The following GJC1 variants were observed in gnomAD, a reference collection of about 807,000 sequenced individuals.
GJC1 encodes the protein gap junction protein gamma 1.
A neutral mutation model predicts 29.3 loss-of-function variants in GJC1; 5 were observed. The observed-to-expected ratio is 0.17, with a 90% confidence interval of 0.09 to 0.36. The LOEUF (loss-of-function observed/expected upper bound fraction) is 0.36, where lower values mean the gene tolerates loss of function less well. Ranked by LOEUF, GJC1 falls within the 10% of genes least tolerant of loss-of-function variation. The pLI is 1.00. For missense variants in GJC1, 310 were observed against 496.2 expected (o/e 0.62, Z 3.56); for synonymous variants, 177 against 183.3 (o/e 0.97, Z 0.28).
chr17:44,820,921 T>C (rs1174458608), intron 1 of GJC1, among the ~76,000 whole-genome samples: 1 of 152,214 alleles, frequency 6.6e-6, no homozygotes, highest in Admixed American at 6.5e-5. Context: ...CATAGTAATC[T>C]ATGTGCTACA....
In GJC1 at chr17:44,805,321, C is replaced by A; in HGVS notation, c.497G>T (p.Arg166Leu). Residue 166 changes from arginine to leucine, a missense_variant, in exon 3 of 3, where the codon CGA (arginine) becomes CTA (leucine). Arg to Leu is a moderately radical substitution (Grantham distance 102). Coordinates refer to ENST00000592524, the MANE Select transcript of GJC1 (RefSeq NM_005497.4). This position sits in a 1 kb window ranked among gnomAD's most constrained non-coding sequence, Gnocchi z 5.1. Reference protein sequence around the residue: ...SQPKPKHDGRRRIREDGLMKI... With the variant: ...SQPKPKHDGRLRIREDGLMKI... The stretch of plus-strand genomic sequence containing the variant: ...CATGAGCCCATCTTCCCGAATCCGT[C>A]GTCGGCCATCATGCTTAGGTTTGGG... 6.2e-7 allele frequency: 1 copy of A among 1,614,194 alleles called. No individual in the cohort carries two copies. The highest frequency in any genetic ancestry group is 8.5e-7 in the Non-Finnish European group (1 of 1,180,030).
intron 1 of GJC1, among the ~76,000 whole-genome samples, chr17:44,826,508 C>G (rs1238431164): frequency 6.9e-6 from 1 of 145,498 alleles, no homozygotes; most frequent in Admixed American, 7.0e-5. Flanking sequence ...CCAGCCTGGG[C>G]AATGGAGCGA....
At chr17:44,823,527 G>T (rs2145364664) in intron 1 of GJC1, among the ~76,000 whole-genome samples, 1 of 151,154 alleles carries the variant, frequency 6.6e-6, no homozygotes, top group East Asian at 2.0e-4. Context: ...TGAGATTACA[G>T]GCGTGAGCCA....
Position 44,814,289 on chromosome 17 carries a change from C to T in GJC1, c.-96-6820G>A, listed in dbSNP as rs2050017081. On this transcript the variant is annotated intron_variant, in intron 1 of 2. Transcript: ENST00000592524. ...CCGAGAAGCTGGGACTACAGGTGCCCGCCACCACGCCCGGCTAATTTTTTT... is the reference window on the plus strand; with the variant it reads ...CCGAGAAGCTGGGACTACAGGTGCCTGCCACCACGCCCGGCTAATTTTTTT... Among the ~76,000 whole-genome samples the T allele has an allele frequency of 2.0e-5, 3 of 151,240 alleles. No homozygotes were observed. In the South Asian group the frequency reaches 6.3e-4, roughly 32 times the overall value.
chr17:44,807,065 A>AT (rs907365806), intron 2 of GJC1, among the ~76,000 whole-genome samples: 199 of 152,358 alleles, frequency 1.3e-3, no homozygotes, highest in African/African-American at 4.5e-3. Flanking sequence ...CCTTTACTAT[A>AT]TAACAGAATC....
chr17:44,804,558 G>T lies in GJC1; in HGVS notation c.*69C>A. Reference sequence around the variant, plus strand: ...ACCAGAGCCAAATGTTTACTCAATGGAAGTCATTATTCAGTGAGCTGCTGC... The same window carrying T: ...ACCAGAGCCAAATGTTTACTCAATGTAAGTCATTATTCAGTGAGCTGCTGC... On this transcript the variant is annotated 3_prime_UTR_variant, in exon 3 of 3. Transcript: ENST00000592524. 1 of 1,181,804 alleles carries T rather than the reference G, an allele frequency of 8.5e-7. No individual in the cohort carries two copies. Among genetic ancestry groups the T allele is most frequent in the South Asian group, 1.4e-5 (1 of 70,748 alleles). 73.2% of individuals were successfully genotyped at this position (1,181,804 alleles called of 1,614,324 possible).
intron 1 of GJC1, among the ~76,000 whole-genome samples, chr17:44,808,428 T>C (rs1218216137): frequency 2.0e-5 from 3 of 147,438 alleles, no homozygotes; most frequent in Admixed American, 6.8e-5. Context: ...CCCTGTCTCT[T>C]ACACACACAC....
Position 44,804,378 on chromosome 17 carries a change from C to T in GJC1, c.*249G>A, listed in dbSNP as rs897416933. 1.3e-4 allele frequency: 61 copies of T among 452,872 alleles called. No homozygotes were observed. Among genetic ancestry groups the T allele is most frequent in the Middle Eastern group, 1.1e-3 (2 of 1,788 alleles). 28.1% of individuals were successfully genotyped at this position (452,872 alleles called of 1,614,324 possible). ...TGATTTAAATATGTCTGTTCTTCTC[C>T]AGATCTGGAAGACACAAATGTAAAG... On this transcript the variant is annotated 3_prime_UTR_variant, in exon 3 of 3. Transcript: ENST00000592524.
intron 1 of GJC1, among the ~76,000 whole-genome samples, chr17:44,821,677 AC>A (rs2050107034): frequency 7.4e-6 from 1 of 135,064 alleles, no homozygotes; most frequent in East Asian, 2.3e-4. Flanking sequence ...AGCCTGGGCA[AC>A]AAGAGGGAAA....
In GJC1 at chr17:44,800,879, T is replaced by C. The variant is rs2049835658; in HGVS notation, c.*3748A>G. ...TGAAAACAAAGCCACAAAATGAACA[T>C]TAACATTTCTTTAGGGGAAAATGCT... On this transcript the variant is annotated 3_prime_UTR_variant, in exon 3 of 3. Transcript: ENST00000592524. The C allele has an allele frequency of 6.6e-6, 1 of 151,316 alleles. No individual in the cohort carries two copies. The highest frequency in any genetic ancestry group is 2.4e-5 in the African/African-American group (1 of 41,078). 9.4% of individuals were successfully genotyped at this position (151,316 alleles called of 1,614,324 possible). A position where few individuals can be genotyped will look rare whatever the true frequency, so the allele number is the denominator to read the frequency against.
downstream of GJC1, among the ~76,000 whole-genome samples, chr17:44,796,751 TC>T (rs2049785557): frequency 1.3e-5 from 2 of 151,952 alleles, no homozygotes; most frequent in Admixed American, 1.3e-4. Flanking sequence ...AAAAAATGAA[TC>T]CCCCAGAGAA....
At chr17:44,806,608 C>T (rs1037721305) in intron 2 of GJC1, among the ~76,000 whole-genome samples, 2 of 151,798 alleles carry the variant, frequency 1.3e-5, no homozygotes, top group African/African-American at 2.4e-5. Context: ...AGGCTGGTCT[C>T]GAACTCCTGA....
At chr17:44,819,955 T>G (rs1053925062) in intron 1 of GJC1, among the ~76,000 whole-genome samples, 2 of 152,032 alleles carry the variant, frequency 1.3e-5, no homozygotes, top group African/African-American at 4.8e-5. Context: ...CCTCCCAGGT[T>G]CAAGTGATTC....
At position 44,801,456 on chromosome 17, in the gene GJC1, A is replaced by G. The variant is rs2049844463; in HGVS notation, c.*3171T>C. The G allele has an allele frequency of 6.6e-6, 1 of 152,174 alleles. No individual in the cohort carries two copies. Among genetic ancestry groups the G allele is most frequent in the African/African-American group, 2.4e-5 (1 of 41,434 alleles). 9.4% of individuals were successfully genotyped at this position (152,174 alleles called of 1,614,324 possible). A position where few individuals can be genotyped will look rare whatever the true frequency, so the allele number is the denominator to read the frequency against. On this transcript the variant is annotated 3_prime_UTR_variant, in exon 3 of 3. Coordinates refer to ENST00000592524, the MANE Select transcript of GJC1 (RefSeq NM_005497.4). ...AGCATGTCTTATATGGCAATTCAAA[A>G]CAGTATGATTCTGATGCGAGTGAGA... is the stretch of plus-strand genomic sequence containing the variant.
intron 1 of GJC1, among the ~76,000 whole-genome samples, chr17:44,820,812 C>T (rs2050097652): frequency 6.6e-6 from 1 of 152,040 alleles, no homozygotes; most frequent in Non-Finnish European, 1.5e-5. Flanking sequence ...TTAACTGGAA[C>T]GTTTTAAGTG....
intron 2 of GJC1, among the ~76,000 whole-genome samples, chr17:44,807,049 T>C (rs917175711): frequency 1.3e-5 from 2 of 152,334 alleles, no homozygotes; most frequent in Admixed American, 1.3e-4. Flanking sequence ...CAATAAATAT[T>C]GTACCCCTTT....
intron 1 of GJC1, among the ~76,000 whole-genome samples, chr17:44,809,004 G>T (rs536747781): frequency 6.6e-6 from 1 of 152,228 alleles, no homozygotes; most frequent in East Asian, 1.9e-4. Flanking sequence ...AACCTGGGAG[G>T]GGGAGGTGGA....
chr17:44,810,693 T>G (rs1479347171), intron 1 of GJC1, among the ~76,000 whole-genome samples: 1 of 152,072 alleles, frequency 6.6e-6, no homozygotes, highest in Non-Finnish European at 1.5e-5. Flanking sequence ...ATACCCCAGG[T>G]CTTCAGCTCT....
At chr17:44,823,143 T>C (rs1424660988) in intron 1 of GJC1, among the ~76,000 whole-genome samples, 3 of 152,018 alleles carry the variant, frequency 2.0e-5, no homozygotes, top group East Asian at 1.9e-4. Context: ...GAGTTGAATA[T>C]AGTTTAGAGA....
Sources: gnomAD v4.1 joint callset for allele counts (sites outside exome capture counted in the v4.1 genomes callset) on GRCh38, gnomAD v4.1.1 for gene constraint, Gnocchi (gnomAD v3.1) non-coding constraint, MANE v1.5 for transcripts, NCBI Gene and HGNC (gene_info 2026-07-23, HGNC 2026-07-21) for gene names.